Variants in DOCK7 observed in about 807,000 individuals in gnomAD.
DOCK7 encodes the protein dedicator of cytokinesis 7.
A neutral mutation model predicts 271.0 loss-of-function variants in DOCK7; 138 were observed. The ratio of observed to expected loss-of-function variants is 0.51; its 90% CI spans 0.44 to 0.59. DOCK7 has a LOEUF of 0.59. Among genes scored for constraint, DOCK7 ranks in the 20% least tolerant of loss-of-function variants. DOCK7 has a pLI of 0.00. For missense variants in DOCK7, 2,066 were observed against 2,592.4 expected (o/e 0.80, Z 4.41); for synonymous variants, 823 against 876.1 (o/e 0.94, Z 1.07).
chr1:62,609,780 C>G (rs910377327), intron 14 of DOCK7, among the ~76,000 whole-genome samples: 5 of 152,114 alleles, frequency 3.3e-5, no homozygotes, highest in African/African-American at 1.2e-4. Context: ...AAGCCCCTAA[C>G]TAAAAACTTC....
chr1:62,566,069 A>G (rs1646505398), intron 18 of DOCK7, among the ~76,000 whole-genome samples: 1 of 152,232 alleles, frequency 6.6e-6, no homozygotes, highest in Non-Finnish European at 1.5e-5. Context: ...AAATAAATGG[A>G]AAAACATTCC....
intron 31 of DOCK7, among the ~76,000 whole-genome samples, chr1:62,525,970 T>A (rs1453982130): frequency 6.6e-6 from 1 of 152,234 alleles, no homozygotes; most frequent in African/African-American, 2.4e-5. Flanking sequence ...AGGGTCTTGC[T>A]CTGTTGTGCA....
intron 15 of DOCK7, among the ~76,000 whole-genome samples, chr1:62,585,129 T>C (rs1647344760): frequency 6.6e-6 from 1 of 151,984 alleles, no homozygotes; most frequent in Non-Finnish European, 1.5e-5. Flanking sequence ...AAAAATAAAT[T>C]CTACAATTAT....
chr1:62,521,048 A>T (rs1437080745), intron 31 of DOCK7, among the ~76,000 whole-genome samples: 1 of 151,938 alleles, frequency 6.6e-6, no homozygotes, highest in Non-Finnish European at 1.5e-5. Flanking sequence ...TGGGAGTCGA[A>T]CAATGAGAAC....
chr1:62,597,540 T>C, intron 14 of DOCK7: 1 of 1,611,434 alleles, frequency 6.2e-7, no homozygotes, highest in Non-Finnish European at 8.5e-7. Flanking sequence ...AGTTCCACGT[T>C]GCTTGAAATT....
At chr1:62,662,865 C>A (rs952937240) in intron 2 of DOCK7, among the ~76,000 whole-genome samples, 160 bp downstream of exon 2, 2 of 152,032 alleles carry the variant, frequency 1.3e-5, no homozygotes, top group African/African-American at 4.8e-5. Context: ...CTATAACACC[C>A]CCAACATCCT....
intron 48 of DOCK7, chr1:62,458,446 T>A (rs1456971204): frequency 1.3e-5 from 2 of 152,146 alleles, no homozygotes; most frequent in Non-Finnish European, 2.9e-5. Flanking sequence ...CTAGAAGCTC[T>A]TTCAGGGATG....
At chr1:62,552,954 A>T (rs1645959917) in intron 21 of DOCK7, 53 bp from the exon 22 acceptor site, 7 of 1,339,030 alleles carry the variant, frequency 5.2e-6, no homozygotes, top group Non-Finnish European at 6.8e-6. Context: ...TCAGGAAAGG[A>T]TCTGAAAAAA....
chr1:62,454,824 C>G lies in DOCK7; in HGVS notation c.*590G>C, dbSNP rs930519395. 2.7e-5 allele frequency: 5 copies of G among 188,038 alleles called. No homozygotes were observed. The highest frequency in any genetic ancestry group is 1.2e-4 in the African/African-American group (5 of 43,270). The allele number at this position is 188,038 out of a possible 1,614,324, so 11.6% of individuals were successfully genotyped here. A position where few individuals can be genotyped will look rare whatever the true frequency, so the allele number is the denominator to read the frequency against. On this transcript the variant is annotated 3_prime_UTR_variant, in exon 50 of 50. Transcript: ENST00000635253. Reference sequence around the variant, plus strand: ...CACAAAGGTTTTACTAAGTAAAGTTCTGCAATTCTAAATTCCTGTTTTGGG... The same window carrying G: ...CACAAAGGTTTTACTAAGTAAAGTTGTGCAATTCTAAATTCCTGTTTTGGG...
intron 31 of DOCK7, among the ~76,000 whole-genome samples, chr1:62,521,911 G>A (rs1644864366): frequency 6.6e-6 from 1 of 152,144 alleles, no homozygotes; most frequent in Admixed American, 6.5e-5. Flanking sequence ...AGGAGGCGGA[G>A]GTTGCAGTGG....
intron 31 of DOCK7, among the ~76,000 whole-genome samples, chr1:62,517,544 G>A (rs1007221553): frequency 1.3e-5 from 2 of 152,098 alleles, no homozygotes; most frequent in East Asian, 1.9e-4. Context: ...GCAGTGAGCC[G>A]AGATTGCGCC....
intron 14 of DOCK7, chr1:62,604,791 C>A (rs749073340): frequency 1.9e-6 from 3 of 1,612,828 alleles, no homozygotes; most frequent in Non-Finnish European, 2.5e-6. Context: ...GTTGATCCAT[C>A]CAACAGATTC....
At chr1:62,538,297 C>T (rs925339909) in intron 27 of DOCK7, among the ~76,000 whole-genome samples, 2 of 152,120 alleles carry the variant, frequency 1.3e-5, no homozygotes, top group Admixed American at 6.5e-5. Flanking sequence ...TCTTGTATTT[C>T]CAATATAGCA....
chr1:62,587,228 T>C (rs141970118), intron 14 of DOCK7, among the ~76,000 whole-genome samples: 1,528 of 137,722 alleles, frequency 0.011, 7 homozygotes, highest in Non-Finnish European at 0.015. Context: ...ATCTCTATCA[T>C]AGACAAACTT....
chr1:62,633,105 T>C (rs527820680), intron 10 of DOCK7, among the ~76,000 whole-genome samples: 2 of 152,304 alleles, frequency 1.3e-5, no homozygotes, highest in East Asian at 3.9e-4. Flanking sequence ...ACAAGAATAC[T>C]TCTATTTTGC....
chr1:62,596,730 T>C (rs551840638), intron 14 of DOCK7, among the ~76,000 whole-genome samples: 2 of 152,144 alleles, frequency 1.3e-5, no homozygotes, highest in South Asian at 2.1e-4. Flanking sequence ...GAAAAACTTA[T>C]GATGGGCAAG....
intron 8 of DOCK7, among the ~76,000 whole-genome samples, chr1:62,636,187 G>A (rs1432604048): frequency 6.6e-6 from 1 of 152,190 alleles, no homozygotes; most frequent in South Asian, 2.1e-4. Flanking sequence ...GGGAGGCGGA[G>A]CTTGCGCTGG....
At position 62,495,648 on chromosome 1, in the gene DOCK7, G is replaced by A; in HGVS notation, c.4957C>T (p.Leu1653Phe). Residue 1653 changes from leucine (L) to phenylalanine (F), a missense_variant, in exon 39 of 50, where the codon CTT becomes TTT. Leu to Phe is a conservative substitution (Grantham distance 22). Coordinates refer to ENST00000635253, the MANE Select transcript of DOCK7 (RefSeq NM_001367561.1). ...QDLVFNLHMI[L>F]SDTVKMKEHQ... is the part of the protein sequence containing the mutation. ...TCCTTCATTTTCACAGTATCAGAAA[G>A]AATCATATGGAGATTGAAAACCAGA... is the stretch of plus-strand genomic sequence containing the variant. 6.3e-7 allele frequency: 1 copy of A among 1,586,080 alleles called. No individual in the cohort carries two copies. The highest frequency in any genetic ancestry group is 8.5e-7 in the Non-Finnish European group (1 of 1,173,242).
chr1:62,677,410 C>T (rs1349464819), intron 1 of DOCK7, among the ~76,000 whole-genome samples: 1 of 152,092 alleles, frequency 6.6e-6, no homozygotes, highest in Non-Finnish European at 1.5e-5. Context: ...CTCATAGTGG[C>T]CATTTTGTGG....
Sources: gnomAD v4.1 joint callset for allele counts (sites outside exome capture counted in the v4.1 genomes callset) on GRCh38, gnomAD v4.1.1 for gene constraint, MANE v1.5 for transcripts, NCBI Gene and HGNC (gene_info 2026-07-23, HGNC 2026-07-21) for gene names.